The following SLCO1A2 variants were observed in gnomAD, a reference collection of about 807,000 sequenced individuals.
SLCO1A2 encodes OATP-1.
Under a neutral mutation model 69.0 loss-of-function variants are expected in SLCO1A2, and 67 were observed. The ratio of observed to expected loss-of-function variants is 0.97; its 90% CI spans 0.80 to 1.19. The LOEUF is 1.19. SLCO1A2 is among the 50% of genes most tolerant of loss of function. The pLI is 0.00. For missense variants in SLCO1A2, 787 were observed against 793.7 expected (o/e 0.99, Z 0.10); for synonymous variants, 260 against 265.9 (o/e 0.98, Z 0.22).
At chr12:21,279,479 C>T (rs1944427133) in intron 12 of SLCO1A2, among the ~76,000 whole-genome samples, 1 of 152,122 alleles carries the variant, frequency 6.6e-6, no homozygotes, top group African/African-American at 2.4e-5. Context: ...GACTAACATA[C>T]AATGGAGCGC....
intron 2 of SLCO1A2, chr12:21,373,368 T>A (rs374152437): frequency 2.5e-6 from 4 of 1,613,176 alleles, no homozygotes; most frequent in Non-Finnish European, 2.5e-6. Flanking sequence ...ATCCTGAAGC[T>A]GCAAGTATTT....
chr12:21,314,585 C>G lies in SLCO1A2; in HGVS notation c.299G>C (p.Cys100Ser). Reference protein sequence around the residue: ...GIGCVVMGLGCFLKSLPHFLM... With the variant: ...GIGCVVMGLGSFLKSLPHFLM... ...GAAATGAGGTAGTGATTTTAAGAAA[C>G]AGCCTAAGCCCATAACCACACATCC... The change falls in exon 4 of 15, where the codon TGT becomes TCT. Residue 100 changes from cysteine to serine, a missense_variant. Physicochemically the swap from Cys to Ser is moderately radical, Grantham distance 112. Coordinates refer to ENST00000683939, the MANE Select transcript of SLCO1A2 (RefSeq NM_001386879.1). 1 of 1,614,062 alleles carries G rather than the reference C, an allele frequency of 6.2e-7. No individual in the cohort carries two copies. The highest frequency in any genetic ancestry group is 8.5e-7 in the Non-Finnish European group (1 of 1,179,954).
At position 21,389,686 on chromosome 12, in the gene SLCO1A2, G is replaced by C. The variant is rs575456995; in HGVS notation, c.-190+5220C>G. ...TAGATATTAGACAGACCAACCAATG[G>C]GTCCCATCTAGGATGGATTTTAACA... On this transcript the variant is annotated intron_variant, in intron 1 of 15. Coordinates refer to the SLCO1A2 transcript ENST00000307378. 4.0e-5 allele frequency among the ~76,000 whole-genome samples: 6 copies of C among 151,350 alleles called. 1 individual carries two copies. In the South Asian group the frequency reaches 1.3e-3, roughly 32 times the overall value.
intron 2 of SLCO1A2, among the ~76,000 whole-genome samples, chr12:21,373,940 G>T (rs578256727): frequency 6.6e-6 from 1 of 152,250 alleles, no homozygotes; most frequent in South Asian, 2.1e-4. Flanking sequence ...ATGTTTTTAA[G>T]AAATGAAATC....
intron 2 of SLCO1A2, among the ~76,000 whole-genome samples, chr12:21,323,313 T>C (rs749227652): frequency 2.0e-5 from 3 of 152,172 alleles, no homozygotes; most frequent in Admixed American, 6.5e-5. Context: ...TCCCAGGATT[T>C]TGGAAGGCCA....
intron 2 of SLCO1A2, among the ~76,000 whole-genome samples, chr12:21,358,653 ATAAT>A (rs1565514409): frequency 6.6e-6 from 1 of 151,944 alleles, no homozygotes; most frequent in Non-Finnish European, 1.5e-5. Context: ...TTAATTTTTT[ATAAT>A]TAAAAATTAA....
intron 2 of SLCO1A2, among the ~76,000 whole-genome samples, chr12:21,347,667 A>AGG (rs879400891): frequency 1.5e-5 from 2 of 135,274 alleles, no homozygotes; most frequent in East Asian, 4.1e-4. Context: ...GAAGAAAGAA[A>AGG]GAAAGGAAGG....
chr12:21,294,233 G>C, intron 10 of SLCO1A2, 123 bp from the exon 11 acceptor site: 1 of 754,576 alleles, frequency 1.3e-6, no homozygotes, highest in East Asian at 2.9e-5. Flanking sequence ...AAATTTTCCA[G>C]TCATCAATGT....
chr12:21,333,172 A>G (rs1444827174), intron 2 of SLCO1A2, among the ~76,000 whole-genome samples: 2 of 152,158 alleles, frequency 1.3e-5, no homozygotes, highest in Admixed American at 6.6e-5. Context: ...AATCAAGTAC[A>G]AATCAAATTT....
chr12:21,325,352 C>T (rs754572118), intron 2 of SLCO1A2, among the ~76,000 whole-genome samples: 1 of 152,190 alleles, frequency 6.6e-6, no homozygotes, highest in Non-Finnish European at 1.5e-5. Flanking sequence ...GCTGTTTAGA[C>T]ATCTCAAATT....
intron 2 of SLCO1A2, among the ~76,000 whole-genome samples, chr12:21,345,246 G>A (rs1345072546): frequency 1.3e-5 from 2 of 151,864 alleles, no homozygotes; most frequent in Non-Finnish European, 2.9e-5. Flanking sequence ...GAAAATAAGG[G>A]CTAAATACAT....
chr12:21,413,237 C>CTTTTTCTT (rs772542069), intron 1 of SLCO1A2, among the ~76,000 whole-genome samples: 1 of 99,432 alleles, frequency 1.0e-5, no homozygotes, highest in African/African-American at 4.0e-5. Context: ...TTTTCTTTTT[C>CTTTTTCTT]TTTTTTTTTT....
chr12:21,394,865 T>C (rs940921348), intron 1 of SLCO1A2: 9 of 152,152 alleles, frequency 5.9e-5, no homozygotes, highest in Admixed American at 4.6e-4. Flanking sequence ...TCACATAAAA[T>C]AACAGATCCT....
At chr12:21,385,886 T>C (rs1485933314) in intron 1 of SLCO1A2, among the ~76,000 whole-genome samples, 1 of 152,146 alleles carries the variant, frequency 6.6e-6, no homozygotes, top group African/African-American at 2.4e-5. Context: ...AGAAACCATA[T>C]TTTTCCAGAA....
intron 12 of SLCO1A2, among the ~76,000 whole-genome samples, chr12:21,279,122 G>A (rs148133441): frequency 3.3e-5 from 5 of 152,034 alleles, no homozygotes; most frequent in South Asian, 2.1e-4. Context: ...GAGATTTAGT[G>A]AGCTTGAAGA....
intron 5 of SLCO1A2, 24 bp downstream of exon 5, chr12:21,306,858 A>G (rs1949472033): frequency 6.4e-7 from 1 of 1,557,674 alleles, no homozygotes; most frequent in South Asian, 1.1e-5. Context: ...GCTGAACAAA[A>G]ATCAATACAA....
At chr12:21,402,889 T>A (rs550645803) in intron 1 of SLCO1A2, among the ~76,000 whole-genome samples, 3 of 152,240 alleles carry the variant, frequency 2.0e-5, no homozygotes, top group African/African-American at 7.2e-5. Flanking sequence ...TTTGAAAAAA[T>A]AATGTTCTCA....
intron 2 of SLCO1A2, among the ~76,000 whole-genome samples, chr12:21,327,366 G>A (rs989454045): frequency 6.6e-6 from 1 of 152,178 alleles, no homozygotes; most frequent in Non-Finnish European, 1.5e-5. Flanking sequence ...GTCTCCACTG[G>A]GGAACTGCCT....
chr12:21,404,658 C>G (rs1941792945), intron 1 of SLCO1A2, among the ~76,000 whole-genome samples: 1 of 152,100 alleles, frequency 6.6e-6, no homozygotes, highest in South Asian at 2.1e-4. Flanking sequence ...TGGGTTGATT[C>G]CATGTCTTTG....
Sources: allele counts gnomAD v4.1 joint callset (sites outside exome capture counted in the v4.1 genomes callset), GRCh38; gene constraint gnomAD v4.1.1; transcripts MANE v1.5; gene names NCBI Gene and HGNC (gene_info 2026-07-23, HGNC 2026-07-21).